ARB2A: variants seen among roughly 807,000 people sequenced by gnomAD.
The protein encoded by ARB2A is cotranscriptional regulator ARB2A.
At chr5:94,014,239 A>G in the ARB2A span, among the ~76,000 whole-genome samples, 1 of 152,180 alleles carries the variant, frequency 6.6e-6, no homozygotes, top group African/African-American at 2.4e-5. Flanking sequence ...GGCACAAACC[A>G]TTAGCTAGCC....
the ARB2A span, among the ~76,000 whole-genome samples, chr5:93,997,997 A>G: frequency 2.0e-5 from 3 of 151,788 alleles, no homozygotes; most frequent in Non-Finnish European, 4.4e-5. Flanking sequence ...ATGTGTGTCT[A>G]TACACACACA....
the ARB2A span, among the ~76,000 whole-genome samples, chr5:93,773,175 A>G: frequency 6.6e-6 from 1 of 152,200 alleles, no homozygotes; most frequent in Non-Finnish European, 1.5e-5. Context: ...TGCTGGTCTA[A>G]AGGTCTTAGT....
the ARB2A span, among the ~76,000 whole-genome samples, chr5:94,106,178 C>G: frequency 6.6e-6 from 1 of 151,982 alleles, no homozygotes; most frequent in African/African-American, 2.4e-5. Flanking sequence ...AAGAAACTAT[C>G]AACACAGTAA....
chr5:94,066,539 G>A, the ARB2A span, among the ~76,000 whole-genome samples: 1 of 149,916 alleles, frequency 6.7e-6, no homozygotes, highest in African/African-American at 2.5e-5. Flanking sequence ...TAATAGAAAA[G>A]GTCATAACAG....
At chr5:94,080,730 G>T in the ARB2A span, among the ~76,000 whole-genome samples, 3 of 152,160 alleles carry the variant, frequency 2.0e-5, no homozygotes, top group African/African-American at 7.2e-5. Flanking sequence ...GGCAATATTT[G>T]CTCCAGAGCT....
the ARB2A span, among the ~76,000 whole-genome samples, chr5:93,857,323 C>T: frequency 3.1e-4 from 47 of 152,146 alleles, 1 homozygote; most frequent in Non-Finnish European, 2.5e-4. Context: ...AGCTGTCAGA[C>T]GGGGACATTT....
the ARB2A span, among the ~76,000 whole-genome samples, chr5:93,849,133 G>A: frequency 6.6e-6 from 1 of 151,890 alleles, no homozygotes; most frequent in Non-Finnish European, 1.5e-5. Context: ...TAATTTTTGT[G>A]GTTGACCTAA....
chr5:93,928,866 C>G, the ARB2A span, among the ~76,000 whole-genome samples: 1 of 151,904 alleles, frequency 6.6e-6, no homozygotes, highest in Non-Finnish European at 1.5e-5. Context: ...AGTACCAGCA[C>G]GTGCACATAT....
At chr5:94,094,388 G>A in the ARB2A span, among the ~76,000 whole-genome samples, 1 of 152,028 alleles carries the variant, frequency 6.6e-6, no homozygotes, top group Non-Finnish European at 1.5e-5. Context: ...TAATCCTATG[G>A]GACCAAGGTC....
At chr5:93,687,846 C>A in the ARB2A span, among the ~76,000 whole-genome samples, 14 of 152,192 alleles carry the variant, frequency 9.2e-5, no homozygotes, top group East Asian at 9.6e-4. Context: ...TAAAACGAAG[C>A]CTAACTTACA....
chr5:93,788,309 T>C, the ARB2A span, among the ~76,000 whole-genome samples: 1 of 152,118 alleles, frequency 6.6e-6, no homozygotes, highest in Non-Finnish European at 1.5e-5. Flanking sequence ...AATAGGAGTA[T>C]TCATTCGGTG....
chr5:94,105,569 C>T, the ARB2A span, among the ~76,000 whole-genome samples: 2 of 151,944 alleles, frequency 1.3e-5, no homozygotes, highest in Non-Finnish European at 2.9e-5. Flanking sequence ...AAGTAATTTA[C>T]AGATTCAATG....
chr5:94,007,248 T>C, the ARB2A span, among the ~76,000 whole-genome samples: 1 of 152,198 alleles, frequency 6.6e-6, no homozygotes, highest in Non-Finnish European at 1.5e-5. Context: ...CTCTTATTTC[T>C]AAATAGTATG....
At chr5:93,992,412 T>C in the ARB2A span, among the ~76,000 whole-genome samples, 1 of 152,048 alleles carries the variant, frequency 6.6e-6, no homozygotes, top group Admixed American at 6.6e-5. Context: ...AGGATACATA[T>C]TGTAAGCCCC....
the ARB2A span, among the ~76,000 whole-genome samples, chr5:94,007,205 C>G: frequency 5.9e-5 from 9 of 151,968 alleles, no homozygotes; most frequent in African/African-American, 1.9e-4. Flanking sequence ...TCACAAGGAA[C>G]CATACATGTC....
At chr5:94,050,252 C>CTTTT in the ARB2A span, among the ~76,000 whole-genome samples, 8 of 132,612 alleles carry the variant, frequency 6.0e-5, no homozygotes, top group Non-Finnish European at 8.1e-5. Context: ...AAAACAGAAA[C>CTTTT]TTTTTTTTTT....
the ARB2A span, among the ~76,000 whole-genome samples, chr5:93,984,130 A>G: frequency 6.6e-6 from 1 of 152,162 alleles, no homozygotes. Context: ...TGTTCTTAAG[A>G]AATATACACA....
the ARB2A span, chr5:93,805,950 T>C: frequency 9.1e-5 from 90 of 984,970 alleles, 1 homozygote; most frequent in East Asian, 1.1e-4. Context: ...TTCTGATTTC[T>C]GAGGTAAAAG....
the ARB2A span, among the ~76,000 whole-genome samples, chr5:93,822,000 G>A: frequency 7.9e-5 from 12 of 152,060 alleles, no homozygotes; most frequent in Middle Eastern, 3.4e-3. Flanking sequence ...CAGCCCTGGC[G>A]TTGCCTGACA....
Sources: gnomAD v4.1 joint callset for allele counts (sites outside exome capture counted in the v4.1 genomes callset) on GRCh38, gnomAD v4.1.1 for gene constraint, MANE v1.5 for transcripts, NCBI Gene and HGNC (gene_info 2026-07-23, HGNC 2026-07-21) for gene names.